The following DLG2 variants were observed in gnomAD, a reference collection of about 807,000 sequenced individuals.
The protein encoded by DLG2 is discs large MAGUK scaffold protein 2.
In DLG2, 45 loss-of-function variants were observed where a neutral mutation model predicts 132.5. That is an observed-to-expected ratio of 0.34 (90% CI 0.27 to 0.44). The LOEUF (loss-of-function observed/expected upper bound fraction) is 0.44, where lower values mean the gene tolerates loss of function less well. DLG2 is among the 20% of genes least tolerant of loss of function. The pLI is 1.00. For synonymous variants in DLG2, 424 were observed against 419.6 expected, an observed-to-expected ratio of 1.01 and a Z score of -0.13; for missense variants, 1,045 against 1,196.9, an observed-to-expected ratio of 0.87 and a Z score of 1.87.
chr11:84,452,651 A>G (rs1195565624), intron 7 of DLG2, among the ~76,000 whole-genome samples: 1 of 151,752 alleles, frequency 6.6e-6, no homozygotes, highest in African/African-American at 2.4e-5. Flanking sequence ...TGTGAGAAAA[A>G]GAGGAGTGGC....
At chr11:83,901,491 C>T (rs2073419046) in intron 15 of DLG2, among the ~76,000 whole-genome samples, 1 of 152,160 alleles carries the variant, frequency 6.6e-6, no homozygotes, top group Non-Finnish European at 1.5e-5. Context: ...GTGGAGAAGT[C>T]TCACGAGATC....
At chr11:84,647,351 T>C (rs1755153605) in intron 6 of DLG2, among the ~76,000 whole-genome samples, 1 of 152,130 alleles carries the variant, frequency 6.6e-6, no homozygotes, top group Admixed American at 6.5e-5. Flanking sequence ...AAATTAATAT[T>C]TCTTATAAAA....
intron 4 of DLG2, among the ~76,000 whole-genome samples, chr11:85,241,192 T>C (rs2075859409): frequency 6.6e-6 from 1 of 151,906 alleles, no homozygotes; most frequent in African/African-American, 2.4e-5. Context: ...GTTTTCCAGT[T>C]ATTTGTTAGT....
chr11:84,337,844 C>T (rs1258007324), intron 7 of DLG2, among the ~76,000 whole-genome samples: 1 of 152,056 alleles, frequency 6.6e-6, no homozygotes, highest in Non-Finnish European at 1.5e-5. Flanking sequence ...TCCAACATAC[C>T]ACTATTAAGG....
At chr11:84,341,960 T>C (rs1344281315) in intron 7 of DLG2, among the ~76,000 whole-genome samples, 1 of 152,248 alleles carries the variant, frequency 6.6e-6, no homozygotes, top group Non-Finnish European at 1.5e-5. Context: ...ACATTTGGCA[T>C]CAAAAGAAAA....
chr11:84,331,237 C>T lies in DLG2; in HGVS notation c.520-79946G>A, dbSNP rs76162999. 2.9e-3 allele frequency among the ~76,000 whole-genome samples: 440 copies of T among 152,118 alleles called. 1 individual carries two copies. The highest frequency in any genetic ancestry group is 9.3e-3 in the African/African-American group (388 of 41,522). ...CATCTACTATTAATGTGCCAAGAAA[C>T]TTACAGAATTAGAAGTAATTTTTGT... On this transcript the variant is annotated intron_variant, in intron 7 of 27. Transcript: ENST00000376104.
intron 6 of DLG2, among the ~76,000 whole-genome samples, chr11:84,576,036 C>T (rs923975105): frequency 8.5e-5 from 13 of 152,184 alleles, no homozygotes; most frequent in African/African-American, 2.7e-4. Flanking sequence ...ATATGGCTCA[C>T]TCGCCTTTCT....
At chr11:84,720,449 T>C (rs956884366) in intron 6 of DLG2, 3 of 985,336 alleles carry the variant, frequency 3.0e-6, no homozygotes. Context: ...AACGCTGTGC[T>C]CGCCGGGCAC....
At chr11:84,746,486 C>T (rs929483313) in intron 6 of DLG2, among the ~76,000 whole-genome samples, 5 of 148,902 alleles carry the variant, frequency 3.4e-5, no homozygotes, top group African/African-American at 4.9e-5. Context: ...GAGTTAGAAA[C>T]GTGAAGTTAA....
At chr11:85,395,741 G>C (rs531018384) in intron 3 of DLG2, among the ~76,000 whole-genome samples, 3 of 152,136 alleles carry the variant, frequency 2.0e-5, no homozygotes, top group African/African-American at 7.2e-5. Context: ...GTAGCTCACA[G>C]TGTAAACAAA....
chr11:84,821,732 C>T (rs1015864607), intron 6 of DLG2, among the ~76,000 whole-genome samples: 1 of 150,306 alleles, frequency 6.7e-6, no homozygotes, highest in African/African-American at 2.4e-5. Flanking sequence ...GTAGAAGATT[C>T]TTTGCCACTG....
intron 2 of DLG2, among the ~76,000 whole-genome samples, chr11:85,623,664 T>C (rs145270003): frequency 3.8e-3 from 578 of 152,316 alleles, no homozygotes; most frequent in Non-Finnish European, 5.6e-3. Flanking sequence ...AATAAAGGCA[T>C]TGATTTCTTC....
At chr11:83,746,998 G>A (rs1210444360) in intron 18 of DLG2, among the ~76,000 whole-genome samples, 1 of 152,028 alleles carries the variant, frequency 6.6e-6, no homozygotes, top group Non-Finnish European at 1.5e-5. Flanking sequence ...AATACCAAAT[G>A]GTACTGATTT....
chr11:85,548,606 G>A (rs1051263424), intron 3 of DLG2, among the ~76,000 whole-genome samples: 1 of 152,172 alleles, frequency 6.6e-6, no homozygotes, highest in Non-Finnish European at 1.5e-5. Flanking sequence ...CCTTCCCCCA[G>A]GTGCTCTGTC....
rs181169804 is a variant in DLG2 at position 83,472,291 on chromosome 11, G to A, written c.2344+436C>T. ...TCTCTCTGCAGTATCCTTGTCAGTA[G>A]CAATTAGCCTCTGTATAAATGCCTC... On this transcript the variant is annotated intron_variant, in intron 23 of 27. Transcript: ENST00000376104. 3.8e-3 allele frequency among the ~76,000 whole-genome samples: 578 copies of A among 152,208 alleles called. 3 individuals carry two copies. Among genetic ancestry groups the A allele is most frequent in the Non-Finnish European group, 6.5e-3 (441 of 68,004 alleles).
intron 7 of DLG2, among the ~76,000 whole-genome samples, chr11:84,510,781 G>A (rs2099255026): frequency 6.6e-6 from 1 of 152,020 alleles, no homozygotes; most frequent in South Asian, 2.1e-4. Flanking sequence ...ATTGTATTGA[G>A]TAAATTATTA....
intron 7 of DLG2, among the ~76,000 whole-genome samples, chr11:84,425,922 T>C (rs903830221): frequency 6.6e-6 from 1 of 152,128 alleles, no homozygotes; most frequent in Admixed American, 6.6e-5. Context: ...TGGTGTGGAA[T>C]TGTTTTCCAA....
chr11:84,761,874 C>T (rs897125133), intron 6 of DLG2, among the ~76,000 whole-genome samples: 20 of 152,204 alleles, frequency 1.3e-4, no homozygotes, highest in African/African-American at 4.3e-4. Flanking sequence ...CTATCTTATC[C>T]GTTCTGTCCC....
chr11:85,022,063 A>G (rs1293663606), intron 6 of DLG2, among the ~76,000 whole-genome samples: 1 of 152,150 alleles, frequency 6.6e-6, no homozygotes, highest in Non-Finnish European at 1.5e-5. Context: ...AAAAGGAAAT[A>G]AAATTAAACA....
Sources: gnomAD v4.1 joint callset for allele counts (sites outside exome capture counted in the v4.1 genomes callset) on GRCh38, gnomAD v4.1.1 for gene constraint, MANE v1.5 for transcripts, NCBI Gene and HGNC (gene_info 2026-07-23, HGNC 2026-07-21) for gene names.